TNFRSF11A: variants seen among roughly 807,000 people sequenced by gnomAD.
The protein encoded by TNFRSF11A is tumor necrosis factor receptor superfamily member 11A.
TNFRSF11A carries 32 observed loss-of-function variants against 55.7 expected under a neutral mutation model. That is an observed-to-expected ratio of 0.57 (90% CI 0.43 to 0.77). TNFRSF11A has a LOEUF of 0.77. Ranked by LOEUF, TNFRSF11A falls within the 30% of genes least tolerant of loss-of-function variation. TNFRSF11A has a pLI of 0.00. For missense variants in TNFRSF11A, 753 were observed against 809.8 expected, an observed-to-expected ratio of 0.93 and a Z score of 0.85; for synonymous variants, 311 against 331.0, an observed-to-expected ratio of 0.94 and a Z score of 0.65.
chr18:62,344,562 A>G (rs2046355221), intron 1 of TNFRSF11A, among the ~76,000 whole-genome samples: 1 of 152,212 alleles, frequency 6.6e-6, no homozygotes, highest in East Asian at 1.9e-4. Context: ...TTGCTTTACT[A>G]GGGCTGCTAC....
chr18:62,376,885 C>T (rs1237738807), intron 9 of TNFRSF11A, among the ~76,000 whole-genome samples: 1 of 152,134 alleles, frequency 6.6e-6, no homozygotes, highest in Non-Finnish European at 1.5e-5. Flanking sequence ...TCTAAGTTTC[C>T]TCCATGTCTT....
rs34421949 is a variant in TNFRSF11A at position 62,325,530 on chromosome 18, A to T, written c.75+103A>T. 449 of 721,714 alleles carry T rather than the reference A, an allele frequency of 6.2e-4. 13 individuals carry two copies. The East Asian group carries it at 0.037, about 59-fold the overall frequency. The allele number at this position is 721,714 out of a possible 1,614,324, so 44.7% of individuals were successfully genotyped here. A position where few individuals can be genotyped will look rare whatever the true frequency, so the allele number is the denominator to read the frequency against. ...CATCCTGGCTCCTCCGCCTTCCGAG[A>T]GGAGCCGGAGTTTTGGGGAGCGGAG... On this transcript the variant is annotated intron_variant, in intron 1 of 9. Coordinates refer to ENST00000586569, the MANE Select transcript of TNFRSF11A (RefSeq NM_003839.4). This position sits in a 1 kb window ranked among gnomAD's most constrained non-coding sequence, Gnocchi z 4.7.
chr18:62,380,734 C>T (rs71352574), intron 9 of TNFRSF11A, among the ~76,000 whole-genome samples: 1 of 152,038 alleles, frequency 6.6e-6, no homozygotes, highest in Non-Finnish European at 1.5e-5. Flanking sequence ...CTGCGCCCAG[C>T]CAATGGTCAG....
At chr18:62,377,749 A>G (rs147444388) in intron 9 of TNFRSF11A, among the ~76,000 whole-genome samples, 1,983 of 152,030 alleles carry the variant, frequency 0.013, 31 homozygotes, top group South Asian at 0.062. Context: ...TTGTTTTCTT[A>G]TTGTTGAGTT....
chr18:62,380,048 A>T (rs1044957743), intron 9 of TNFRSF11A, among the ~76,000 whole-genome samples: 1 of 152,256 alleles, frequency 6.6e-6, no homozygotes, highest in East Asian at 1.9e-4. Flanking sequence ...GACATAACTG[A>T]CATAGCCCAG....
At chr18:62,344,181 G>A (rs1390813575) in intron 1 of TNFRSF11A, among the ~76,000 whole-genome samples, 2 of 152,206 alleles carry the variant, frequency 1.3e-5, no homozygotes, top group Non-Finnish European at 2.9e-5. Context: ...GGAGAGACTG[G>A]GACAGAGTTT....
At chr18:62,358,569 T>C (rs975845845) in intron 5 of TNFRSF11A, among the ~76,000 whole-genome samples, 1 of 152,262 alleles carries the variant, frequency 6.6e-6, no homozygotes, top group African/African-American at 2.4e-5. Context: ...TTAGATTTGG[T>C]AATCTGTGAC....
At chr18:62,375,326 C>T (rs974571087) in intron 9 of TNFRSF11A, among the ~76,000 whole-genome samples, 1 of 152,092 alleles carries the variant, frequency 6.6e-6, no homozygotes, top group Non-Finnish European at 1.5e-5. Context: ...AAACAAATGT[C>T]TGATTATGAA....
At chr18:62,338,370 G>A (rs1393508180) in intron 1 of TNFRSF11A, among the ~76,000 whole-genome samples, 1 of 152,182 alleles carries the variant, frequency 6.6e-6, no homozygotes, top group Non-Finnish European at 1.5e-5. Flanking sequence ...GTGTGCCAGT[G>A]TTCATTGCAG....
At chr18:62,341,836 CTTTTTT>C (rs34047775) in intron 1 of TNFRSF11A, among the ~76,000 whole-genome samples, 1 of 85,216 alleles carries the variant, frequency 1.2e-5, no homozygotes, top group Non-Finnish European at 2.1e-5. Flanking sequence ...CTGAGAATGG[CTTTTTT>C]TTTTTTTTTT....
rs1910108920 is a variant in TNFRSF11A, at chr18:62,366,719, C to T, written c.742C>T (p.His248Tyr). The change falls in exon 8 of 10, where the codon CAC becomes TAC. Residue 248 changes from histidine (H) to tyrosine (Y), a missense_variant. His to Tyr is a moderately conservative substitution (Grantham distance 83, BLOSUM62 2). Transcript: ENST00000586569. ...TTTGTGTTTTCTAGCTAATTTGTGG[C>T]ACTGGATCAATGAGGCTTGTGGCCG... ...KGKALTANLWHWINEACGRLS... is the reference protein window; with the variant it reads ...KGKALTANLWYWINEACGRLS... 1.2e-6 allele frequency: 2 copies of T among 1,614,032 alleles called. No individual in the cohort carries two copies. Among genetic ancestry groups the T allele is most frequent in the Non-Finnish European group, 8.5e-7 (1 of 1,180,040 alleles).
chr18:62,366,015 ACCATGTTGGCCAGG>A (rs1405828917), intron 7 of TNFRSF11A, among the ~76,000 whole-genome samples: 2 of 152,088 alleles, frequency 1.3e-5, no homozygotes, highest in Non-Finnish European at 2.9e-5. Context: ...ATGTGGTTTC[ACCATGTTGGCCAGG>A]CTAGTCATGA....
At chr18:62,373,174 C>G (rs910406001) in intron 9 of TNFRSF11A, among the ~76,000 whole-genome samples, 7 of 152,196 alleles carry the variant, frequency 4.6e-5, no homozygotes, top group African/African-American at 1.7e-4. Flanking sequence ...AGTGGGAATC[C>G]TGGCTGGGTG....
intron 1 of TNFRSF11A, among the ~76,000 whole-genome samples, chr18:62,339,353 G>A (rs1464150831): frequency 1.3e-5 from 2 of 152,062 alleles, no homozygotes; most frequent in East Asian, 3.9e-4. Flanking sequence ...TCCCCAGCTT[G>A]TGCACTTCCT....
In TNFRSF11A at chr18:62,388,645, A is replaced by G. The variant is rs1207660876; in HGVS notation, c.*3611A>G. The G allele has an allele frequency of 6.6e-6, 1 of 152,270 alleles. No individual in the cohort carries two copies. Among genetic ancestry groups the G allele is most frequent in the African/African-American group, 2.4e-5 (1 of 41,484 alleles). 9.4% of individuals were successfully genotyped at this position (152,270 alleles called of 1,614,324 possible). A position where few individuals can be genotyped will look rare whatever the true frequency, so the allele number is the denominator to read the frequency against. On this transcript the variant is annotated 3_prime_UTR_variant, in exon 10 of 10. Coordinates refer to ENST00000586569, the MANE Select transcript of TNFRSF11A (RefSeq NM_003839.4). Reference sequence around the variant, plus strand: ...TGGTGATTGAATTCCCTTAATGCACAGCACTATAGATTCCCACAATGAAAG... The same window carrying G: ...TGGTGATTGAATTCCCTTAATGCACGGCACTATAGATTCCCACAATGAAAG...
intron 1 of TNFRSF11A, among the ~76,000 whole-genome samples, chr18:62,327,801 A>G (rs571066355): frequency 1.5e-4 from 23 of 152,372 alleles, no homozygotes; most frequent in South Asian, 1.0e-3. Flanking sequence ...CTGAAAGGCT[A>G]TAAGTTTTGC....
Position 62,382,300 on chromosome 18 carries a change from G to A in TNFRSF11A, c.1568-2451G>A, listed in dbSNP as rs141078297. Among the ~76,000 whole-genome samples, 621 of 151,856 alleles carry A rather than the reference G, an allele frequency of 4.1e-3. 3 individuals are homozygous for A. Among genetic ancestry groups the A allele is most frequent in the Middle Eastern group, 0.017 (5 of 294 alleles). ...TACTTTTTGTATTTTTAGTAGAAAC[G>A]GGGTTTCGCCATATTGGCCAGGCTG... On this transcript the variant is annotated intron_variant, in intron 9 of 9. Transcript: ENST00000586569.
Position 62,368,745 on chromosome 18 carries a change from T to C in TNFRSF11A, c.828T>C (p.Phe276=), listed in dbSNP as rs1280887504. 1.9e-6 allele frequency: 3 copies of C among 1,614,248 alleles called. No homozygotes were observed. The highest frequency in any genetic ancestry group is 1.6e-4 in the Middle Eastern group (1 of 6,062). The part of the protein sequence containing the change: ...DSCVSTHTAN[F]GQQGACEGVL... The stretch of plus-strand genomic sequence containing the variant: ...GTGTCAGTACACACACGGCAAACTT[T>C]GGTCAGCAGGGAGCATGTGAAGGTG... Residue 276 remains phenylalanine, a synonymous_variant, in exon 9 of 10, where the codon TTT becomes TTC. Coordinates refer to ENST00000586569, the MANE Select transcript of TNFRSF11A (RefSeq NM_003839.4).
intron 9 of TNFRSF11A, among the ~76,000 whole-genome samples, chr18:62,373,387 A>T (rs1452219360): frequency 2.0e-5 from 3 of 151,992 alleles, no homozygotes; most frequent in Non-Finnish European, 2.9e-5. Context: ...TGAGTCAGGG[A>T]GGTGGAGGTG....
Sources: gnomAD v4.1 joint callset for allele counts (sites outside exome capture counted in the v4.1 genomes callset) on GRCh38, gnomAD v4.1.1 for gene constraint, Gnocchi (gnomAD v3.1) non-coding constraint, MANE v1.5 for transcripts, NCBI Gene and HGNC (gene_info 2026-07-23, HGNC 2026-07-21) for gene names.